Variants in SSH1 observed in about 807,000 individuals in gnomAD.
SSH1 encodes the protein slingshot protein phosphatase 1.
Under a neutral mutation model 79.7 loss-of-function variants are expected in SSH1, and 43 were observed. That is an observed-to-expected ratio of 0.54 (90% CI 0.42 to 0.70). The LOEUF (loss-of-function observed/expected upper bound fraction) is 0.70, where lower values mean the gene tolerates loss of function less well. SSH1 is among the 30% of genes least tolerant of loss of function. SSH1 has a pLI of 0.00. For synonymous variants in SSH1, 599 were observed against 538.3 expected (o/e 1.11, Z -1.56); for missense variants, 1,206 against 1,358.8 (o/e 0.89, Z 1.77).
chr12:108,788,513 G>A lies in SSH1; in HGVS notation c.2625C>T (p.Ser875=). 1 of 1,560,532 alleles carries A rather than the reference G, an allele frequency of 6.4e-7. No homozygotes were observed. Among genetic ancestry groups the A allele is most frequent in the Non-Finnish European group, 8.7e-7 (1 of 1,154,812 alleles). ...CTGACTTCTCATCACTCCCGGCCTG[G>A]CTGGGCATAACCAGGGGGCCCAGCT... ...LHELGPLVMP[S]QAGSDEKSEA... Residue 875 remains serine, a synonymous_variant, in exon 15 of 15, where the codon AGC becomes AGT. Transcript: ENST00000326495.
chr12:108,833,162 T>C (rs1452238447), intron 2 of SSH1, among the ~76,000 whole-genome samples: 1 of 152,064 alleles, frequency 6.6e-6, no homozygotes, highest in Non-Finnish European at 1.5e-5. Flanking sequence ...GCTTTTTTTT[T>C]TTTTTCTCCC....
At chr12:108,848,563 A>C (rs1354311799) in intron 2 of SSH1, among the ~76,000 whole-genome samples, 1 of 152,188 alleles carries the variant, frequency 6.6e-6, no homozygotes. Context: ...TCTAGGAGAG[A>C]TTCAGAGAGA....
intron 2 of SSH1, chr12:108,836,897 T>C (rs755566463): frequency 1.3e-5 from 7 of 533,624 alleles, no homozygotes; most frequent in Admixed American, 1.9e-5. Flanking sequence ...ACACTCACAC[T>C]GAGGGACACT....
intron 2 of SSH1, among the ~76,000 whole-genome samples, chr12:108,831,283 G>A (rs919959579): frequency 6.6e-6 from 1 of 152,136 alleles, no homozygotes; most frequent in African/African-American, 2.4e-5. Flanking sequence ...ATTGTCCAGC[G>A]AACTTGATGG....
In SSH1 at chr12:108,788,161, A is replaced by G; in HGVS notation, c.2977T>C (p.Ser993Pro). The change falls in exon 15 of 15, where the codon TCC becomes CCC. Residue 993 changes from serine (S) to proline (P), a missense_variant. Transcript: ENST00000326495. ...ACGGTGGACGGGTCAGCCTCACTGG[A>G]CAGGTCTTCCGTTGAGAAGGTGAGA... ...GSLTFSTEDLSSEADPSTVAD... is the reference protein window; with the variant it reads ...GSLTFSTEDLPSEADPSTVAD... 2.5e-6 allele frequency: 4 copies of G among 1,613,946 alleles called. No individual in the cohort carries two copies. The highest frequency in any genetic ancestry group is 3.4e-6 in the Non-Finnish European group (4 of 1,179,990).
intron 2 of SSH1, 150 bp from the exon 3 acceptor site, chr12:108,823,511 T>A: frequency 1.4e-6 from 1 of 721,058 alleles, no homozygotes; most frequent in Non-Finnish European, 2.4e-6. Flanking sequence ...TTCCACGTAG[T>A]ACTTTTCTCA....
Position 108,788,180 on chromosome 12 carries a change from G to A in SSH1, c.2958C>T (p.Thr986=). 2 of 1,614,078 alleles carry A rather than the reference G, an allele frequency of 1.2e-6. No individual in the cohort carries two copies. Among genetic ancestry groups the A allele is most frequent in the Non-Finnish European group, 1.7e-6 (2 of 1,180,024 alleles). The change falls in exon 15 of 15, where the codon ACC becomes ACT. Residue 986 remains threonine (T), a synonymous_variant. Coordinates refer to ENST00000326495, the MANE Select transcript of SSH1 (RefSeq NM_018984.4). ...SHSLAKLGSL[T]FSTEDLSSEA... ...CACTGGACAGGTCTTCCGTTGAGAA[G>A]GTGAGACTCCCCAGCTTGGCAAGAG...
At chr12:108,809,394 C>T (rs1219339735) in intron 7 of SSH1, among the ~76,000 whole-genome samples, 1 of 150,216 alleles carries the variant, frequency 6.7e-6, no homozygotes, top group African/African-American at 2.4e-5. Flanking sequence ...GAGGTCAAGG[C>T]TGCAGTGAAC....
Position 108,787,720 on chromosome 12 carries a change from T to C in SSH1, c.*268A>G. Reference sequence around the variant, plus strand: ...CACGTTCTTCCTAAAACATGGTTCTTCTTGAAGACACGGTGGGAGCGGAGT... The same window carrying C: ...CACGTTCTTCCTAAAACATGGTTCTCCTTGAAGACACGGTGGGAGCGGAGT... On this transcript the variant is annotated 3_prime_UTR_variant, in exon 15 of 15. Transcript: ENST00000326495. 2 of 517,956 alleles carry C rather than the reference T, an allele frequency of 3.9e-6. No homozygotes were observed. Among genetic ancestry groups the C allele is most frequent in the Non-Finnish European group, 7.0e-6 (2 of 286,528 alleles). 32.1% of individuals were successfully genotyped at this position (517,956 alleles called of 1,614,324 possible).
In SSH1 at chr12:108,857,568, G is replaced by A. The variant is rs1566025291; in HGVS notation, c.-72C>T. On this transcript the variant is annotated 5_prime_UTR_variant, in exon 1 of 15. Transcript: ENST00000326495. The surrounding 1 kb of genome is among the most constrained non-coding windows in gnomAD (Gnocchi z 4.7). ...CGCCACCGCCACCGCCGCCCGGGCCGGGCCCGGGGCCTCCTGGAGCCGCGC... is the reference window on the plus strand; with the variant it reads ...CGCCACCGCCACCGCCGCCCGGGCCAGGCCCGGGGCCTCCTGGAGCCGCGC... The A allele has an allele frequency of 5.6e-6, 5 of 895,616 alleles. No individual in the cohort carries two copies. Among genetic ancestry groups the A allele is most frequent in the Non-Finnish European group, 6.7e-6 (5 of 749,680 alleles). The allele number at this position is 895,616 out of a possible 1,614,324, so 55.5% of individuals were successfully genotyped here. A position where few individuals can be genotyped will look rare whatever the true frequency, so the allele number is the denominator to read the frequency against.
At chr12:108,802,994 C>CT (rs1307470069) in intron 10 of SSH1, among the ~76,000 whole-genome samples, 5 of 152,042 alleles carry the variant, frequency 3.3e-5, no homozygotes, top group Non-Finnish European at 5.9e-5. Flanking sequence ...ATGATGGAGT[C>CT]TTTAAAACAA....
chr12:108,828,821 CTCA>C (rs1287363480), intron 2 of SSH1, among the ~76,000 whole-genome samples: 1 of 152,178 alleles, frequency 6.6e-6, no homozygotes, highest in Non-Finnish European at 1.5e-5. Context: ...AGGTAAGTTT[CTCA>C]TCAACAGGAC....
chr12:108,782,436 G>C lies in SSH1; in HGVS notation c.*5552C>G, dbSNP rs556499165. The C allele has an allele frequency of 5.3e-5, 8 of 151,916 alleles. No individual in the cohort carries two copies. In the South Asian group the frequency reaches 1.7e-3, roughly 32 times the overall value. 9.4% of individuals were successfully genotyped at this position (151,916 alleles called of 1,614,324 possible). A position where few individuals can be genotyped will look rare whatever the true frequency, so the allele number is the denominator to read the frequency against. ...TAACTTTTTTTTTTTGGTACACAAA[G>C]GACCACCCACAGGTGGGCCTGTTCT... On this transcript the variant is annotated 3_prime_UTR_variant, in exon 15 of 15. Coordinates refer to ENST00000326495, the MANE Select transcript of SSH1 (RefSeq NM_018984.4).
chr12:108,803,713 A>G (rs900053937), intron 10 of SSH1, among the ~76,000 whole-genome samples: 3 of 152,206 alleles, frequency 2.0e-5, no homozygotes, highest in African/African-American at 4.8e-5. Flanking sequence ...GTGGAGAAAG[A>G]AGGAAGGTGC....
intron 1 of SSH1, among the ~76,000 whole-genome samples, chr12:108,854,790 G>A (rs1226624149): frequency 2.0e-5 from 3 of 152,204 alleles, no homozygotes; most frequent in Admixed American, 1.3e-4. Flanking sequence ...CCTTTTAGAT[G>A]AGCCAGGGCC....
In SSH1 at chr12:108,799,143, G is replaced by A; in HGVS notation, c.1206C>T (p.Ser402=). 1 of 1,614,180 alleles carries A rather than the reference G, an allele frequency of 6.2e-7. No homozygotes were observed. The highest frequency in any genetic ancestry group is 8.5e-7 in the Non-Finnish European group (1 of 1,180,032). ...HCKMGVSRSA[S]TVIAYAMKEF... ...CCTTCATTGCATAGGCTATGACTGT[G>A]GAGGCCGAGCGACTCACGCCCATTT... is the stretch of plus-strand genomic sequence containing the variant. The change falls in exon 13 of 15, where the codon TCC becomes TCT. Residue 402 remains serine (S), a synonymous_variant. Coordinates refer to ENST00000326495, the MANE Select transcript of SSH1 (RefSeq NM_018984.4).
At chr12:108,811,538 T>C (rs1382931412) in intron 5 of SSH1, 3 of 619,012 alleles carry the variant, frequency 4.8e-6, no homozygotes, top group East Asian at 2.9e-5. Flanking sequence ...GCTGAGGCTT[T>C]TGGGTGCAGT....
At position 108,817,152 on chromosome 12, in the gene SSH1, C is replaced by T. The variant is rs1173134343; in HGVS notation, c.287G>A (p.Arg96His). The change falls in exon 5 of 15, where the codon CGC (arginine) becomes CAC (histidine). Residue 96 changes from arginine (R) to histidine (H), a missense_variant. Arg to His is a conservative substitution (Grantham distance 29). Coordinates refer to ENST00000326495, the MANE Select transcript of SSH1 (RefSeq NM_018984.4). Reference sequence around the variant, plus strand: ...CCGGTCCGCCCAGGCGCTCTCCAGGCGCACTGCCTGGAACAGGGCAGACAT... The same window carrying T: ...CCGGTCCGCCCAGGCGCTCTCCAGGTGCACTGCCTGGAACAGGGCAGACAT... ...RCEDRIKLAV[R>H]LESAWADRVR... The T allele has an allele frequency of 3.1e-6, 5 of 1,613,832 alleles. No homozygotes were observed. The highest frequency in any genetic ancestry group is 1.3e-5 in the African/African-American group (1 of 74,944).
chr12:108,790,258 C>A (rs1565967210), intron 14 of SSH1, among the ~76,000 whole-genome samples: 1 of 151,918 alleles, frequency 6.6e-6, no homozygotes, highest in African/African-American at 2.4e-5. Flanking sequence ...TCAAGCAATT[C>A]TCCTGCCTCA....
Sources: gnomAD v4.1 joint callset for allele counts (sites outside exome capture counted in the v4.1 genomes callset) on GRCh38, gnomAD v4.1.1 for gene constraint, Gnocchi (gnomAD v3.1) non-coding constraint, MANE v1.5 for transcripts, NCBI Gene and HGNC (gene_info 2026-07-23, HGNC 2026-07-21) for gene names.